VPS35L: variants seen among roughly 807,000 people sequenced by gnomAD.
VPS35L encodes the protein VPS35 endosomal protein-sorting factor-like.
Under a neutral mutation model 133.0 loss-of-function variants are expected in VPS35L, and 83 were observed. That is an observed-to-expected ratio of 0.62 (90% confidence interval 0.52 to 0.75). The LOEUF is 0.75. Ranked by LOEUF, VPS35L falls within the 30% of genes least tolerant of loss-of-function variation. VPS35L has a pLI of 0.00. For synonymous variants in VPS35L, 423 were observed against 449.9 expected (o/e 0.94, Z 0.76); for missense variants, 1,083 against 1,206.8 (o/e 0.90, Z 1.52).
At chr16:19,572,458 C>T (rs986832080) in intron 3 of VPS35L, among the ~76,000 whole-genome samples, 1 of 152,144 alleles carries the variant, frequency 6.6e-6, no homozygotes, top group African/African-American at 2.4e-5. Flanking sequence ...GTTTTGATGG[C>T]TATCACCAAA....
intron 27 of VPS35L, among the ~76,000 whole-genome samples, chr16:19,676,597 A>T (rs1172964464): frequency 2.0e-5 from 3 of 152,198 alleles, no homozygotes; most frequent in Admixed American, 1.3e-4. Context: ...AGAAATGGAA[A>T]TGCTACTACC....
intron 16 of VPS35L, 132 bp downstream of exon 16, chr16:19,627,937 C>A (rs986808374): frequency 4.2e-6 from 3 of 711,186 alleles, no homozygotes; most frequent in Admixed American, 4.6e-5. Flanking sequence ...TTCTGAGGAA[C>A]GCAATGGAAG....
chr16:19,640,090 G>T lies in VPS35L; in HGVS notation c.1774G>T (p.Ala592Ser). The T allele has an allele frequency of 6.2e-7, 1 of 1,613,982 alleles. No individual in the cohort carries two copies. ...GGAGGTTTGCAAATGCATCATGGAC[G>T]CCTTTATCAAGTGAGTGCCACTGCG... ...RVEVCKCIMD[A>S]FIKHQQEPTK... Residue 592 changes from alanine to serine, a missense_variant, in exon 21 of 31, where the codon GCC becomes TCC. Ala to Ser is a moderately conservative substitution (Grantham distance 99). Coordinates refer to ENST00000417362, the MANE Select transcript of VPS35L (RefSeq NM_020314.7).
At chr16:19,685,693 C>T (rs1597435830) in intron 28 of VPS35L, among the ~76,000 whole-genome samples, 1 of 152,304 alleles carries the variant, frequency 6.6e-6, no homozygotes, top group Non-Finnish European at 1.5e-5. Context: ...CATTCTTTTT[C>T]ATGTCAGCTG....
intron 19 of VPS35L, 119 bp from the exon 20 acceptor site, chr16:19,637,475 A>G: frequency 3.1e-6 from 2 of 644,110 alleles, no homozygotes; most frequent in Non-Finnish European, 5.1e-6. Flanking sequence ...ATTGCAAATT[A>G]TGAAAGGTGA....
At chr16:19,635,385 A>C (rs899671972) in intron 19 of VPS35L, among the ~76,000 whole-genome samples, 2 of 152,118 alleles carry the variant, frequency 1.3e-5, no homozygotes, top group African/African-American at 4.8e-5. Context: ...AATAAAATGA[A>C]ATAAAACCCA....
At chr16:19,672,773 G>A (rs1974920517) in intron 27 of VPS35L, among the ~76,000 whole-genome samples, 1 of 151,944 alleles carries the variant, frequency 6.6e-6, no homozygotes, top group Non-Finnish European at 1.5e-5. Flanking sequence ...TCTCTCTTTG[G>A]GTAAGCTAGT....
intron 23 of VPS35L, among the ~76,000 whole-genome samples, chr16:19,646,002 A>C (rs1391204172): frequency 6.6e-6 from 1 of 150,566 alleles, no homozygotes. Context: ...GGGGTTTCCA[A>C]CTCCTGGTTT....
intron 3 of VPS35L, among the ~76,000 whole-genome samples, chr16:19,571,171 T>G (rs1477371972): frequency 2.0e-5 from 3 of 151,910 alleles, no homozygotes; most frequent in Non-Finnish European, 4.4e-5. Flanking sequence ...GTGCCCGGCC[T>G]GTGTTTCATA....
intron 9 of VPS35L, among the ~76,000 whole-genome samples, chr16:19,603,189 G>A (rs901063699): frequency 9.9e-5 from 15 of 152,118 alleles, no homozygotes; most frequent in Admixed American, 9.2e-4. Context: ...GACCCATCTT[G>A]TTTCATCAGA....
chr16:19,612,039 A>C (rs1302536762), intron 12 of VPS35L, among the ~76,000 whole-genome samples: 3 of 151,318 alleles, frequency 2.0e-5, no homozygotes, highest in Non-Finnish European at 4.4e-5. Flanking sequence ...CCAGGGTTCA[A>C]GCAATTCTTC....
chr16:19,582,927 G>A (rs1314679047), intron 7 of VPS35L, among the ~76,000 whole-genome samples: 4 of 152,142 alleles, frequency 2.6e-5, no homozygotes, highest in Non-Finnish European at 5.9e-5. Context: ...CAGCATGTTG[G>A]GAGGCTGAGG....
chr16:19,623,915 C>A (rs1973172429), intron 14 of VPS35L, among the ~76,000 whole-genome samples: 1 of 149,682 alleles, frequency 6.7e-6, no homozygotes, highest in African/African-American at 2.4e-5. Flanking sequence ...GTGATGCCCC[C>A]ACCTTAGCCT....
In VPS35L at chr16:19,604,922, G is replaced by A. The variant is rs145807137; in HGVS notation, c.784+3199G>A. Reference sequence around the variant, plus strand: ...TCTTAATCCAGCTTATGCATAAAGAGACCATCGACTCTGAGAAGTCAAATC... The same window carrying A: ...TCTTAATCCAGCTTATGCATAAAGAAACCATCGACTCTGAGAAGTCAAATC... On this transcript the variant is annotated intron_variant, in intron 9 of 30. Transcript: ENST00000417362. Among the ~76,000 whole-genome samples the A allele has an allele frequency of 4.4e-4, 67 of 152,322 alleles. 1 individual carries two copies. The highest frequency in any genetic ancestry group is 4.2e-3 in the East Asian group (22 of 5,182).
At chr16:19,616,030 G>T (rs1323483515) in intron 12 of VPS35L, 84 bp from the exon 13 acceptor site, 1 of 800,670 alleles carries the variant, frequency 1.2e-6, no homozygotes, top group Non-Finnish European at 2.0e-6. Flanking sequence ...TATAAACATA[G>T]GTATATATAT....
intron 24 of VPS35L, among the ~76,000 whole-genome samples, chr16:19,648,452 A>T (rs932782844): frequency 2.6e-5 from 4 of 152,200 alleles, no homozygotes; most frequent in Non-Finnish European, 4.4e-5. Flanking sequence ...CAGAAATCTA[A>T]CCAGAAGGAG....
chr16:19,667,730 T>C (rs1974740758), intron 26 of VPS35L, among the ~76,000 whole-genome samples: 1 of 145,834 alleles, frequency 6.9e-6, no homozygotes, highest in Admixed American at 6.8e-5. Context: ...CAAGACCCTG[T>C]CTGGAAAAAA....
At chr16:19,597,884 A>G (rs1019437402) in intron 8 of VPS35L, among the ~76,000 whole-genome samples, 5 of 152,200 alleles carry the variant, frequency 3.3e-5, no homozygotes, top group African/African-American at 1.2e-4. Context: ...ACTCTGCTCT[A>G]AAAGAAGATG....
At chr16:19,594,450 A>G (rs954537519) in intron 8 of VPS35L, among the ~76,000 whole-genome samples, 1 of 151,924 alleles carries the variant, frequency 6.6e-6, no homozygotes, top group Admixed American at 6.6e-5. Context: ...GCGAGACCAG[A>G]CTGGCTAACA....
Sources: allele counts gnomAD v4.1 joint callset (sites outside exome capture counted in the v4.1 genomes callset), GRCh38; gene constraint gnomAD v4.1.1; transcripts MANE v1.5; gene names NCBI Gene and HGNC (gene_info 2026-07-23, HGNC 2026-07-21).